Variants in GNG7 observed in about 807,000 individuals in gnomAD.
The protein encoded by GNG7 is guanine nucleotide-binding protein G(I)/G(S)/G(O) subunit gamma-7.
GNG7 carries 1 observed loss-of-function variant against 4.0 expected under a neutral mutation model. The ratio of observed to expected loss-of-function variants is 0.25; its 90% CI spans 0.09 to 1.18. The LOEUF (loss-of-function observed/expected upper bound fraction) is 1.18, where lower values mean the gene tolerates loss of function less well. GNG7 is among the 50% of genes most tolerant of loss of function. The probability of loss-of-function intolerance (pLI) is 0.50; values close to 1 mark genes in which losing one functional copy is unlikely to be tolerated. For synonymous variants in GNG7, 34 were observed against 36.9 expected (o/e 0.92, Z 0.29); for missense variants, 86 against 91.9 (o/e 0.94, Z 0.26).
intron 3 of GNG7, among the ~76,000 whole-genome samples, chr19:2,537,185 G>A (rs1022232547): frequency 3.3e-5 from 5 of 151,812 alleles, no homozygotes; most frequent in South Asian, 4.1e-4. Context: ...TCCTGACCTC[G>A]TGATCCGCCC....
At position 2,699,589 on chromosome 19, in the gene GNG7, G is replaced by A. The variant is rs142545955; in HGVS notation, c.-135+3057C>T. On this transcript the variant is annotated intron_variant, in intron 1 of 4. Transcript: ENST00000382159. ...TGCACATCAAAGGGGAGATGAGGTC[G>A]TTAAAGGAGAAAATAAATCAGTTTT... Among the ~76,000 whole-genome samples the A allele has an allele frequency of 4.6e-3, 706 of 152,276 alleles. 8 individuals are homozygous for A. Among genetic ancestry groups the A allele is most frequent in the African/African-American group, 0.016 (682 of 41,540 alleles).
chr19:2,593,114 C>T (rs1980901183), intron 2 of GNG7, among the ~76,000 whole-genome samples: 1 of 152,028 alleles, frequency 6.6e-6, no homozygotes. Flanking sequence ...TAACCAACAG[C>T]TGAGGTCACA....
chr19:2,538,743 A>G, intron 3 of GNG7: 1 of 453,462 alleles, frequency 2.2e-6, no homozygotes, highest in South Asian at 1.6e-5. Context: ...TGATGGCTTC[A>G]GACTTCCTAG....
At chr19:2,587,562 G>GGCGGCCACCTTGTA (rs1288338523) in intron 2 of GNG7, among the ~76,000 whole-genome samples, 5 of 152,092 alleles carry the variant, frequency 3.3e-5, no homozygotes, top group Non-Finnish European at 5.9e-5. Context: ...TCGGTACGCA[G>GGCGGCCACCTTGTA]GCGGCCACCT....
intron 1 of GNG7, among the ~76,000 whole-genome samples, chr19:2,656,029 C>CAAAAAAAAAAA (rs55687607): frequency 4.1e-5 from 4 of 98,086 alleles, no homozygotes; most frequent in African/African-American, 1.1e-4. Context: ...CGATTCAAAA[C>CAAAAAAAAAAA]AAAAAAAAAA....
intron 2 of GNG7, among the ~76,000 whole-genome samples, chr19:2,583,391 C>T (rs1217101485): frequency 6.6e-6 from 1 of 152,208 alleles, no homozygotes; most frequent in Non-Finnish European, 1.5e-5. Context: ...GGAACCCGGG[C>T]TGGCTCAGCA....
chr19:2,633,481 GCGCGCGCACACACACACACA>G lies in GNG7; in HGVS notation c.-78+12723_-78+12742del, dbSNP rs1161077841. Among the ~76,000 whole-genome samples, 1 of 80,356 alleles carries G rather than the reference GCGCGCGCACACACACACACA, an allele frequency of 1.2e-5. No individual in the cohort carries two copies. The highest frequency in any genetic ancestry group is 4.0e-5 in the African/African-American group (1 of 25,296). The allele number at this position is 80,356 out of a possible 152,430, so 52.7% of individuals were successfully genotyped here. A position where few individuals can be genotyped will look rare whatever the true frequency, so the allele number is the denominator to read the frequency against. ...GTTGCTTAGCAACAGGCGCGCGCGC[GCGCGCGCACACACACACACA>G]CACACACACACACACACACACACGA... is the stretch of plus-strand genomic sequence containing the variant. On this transcript the variant is annotated intron_variant, in intron 2 of 4. Coordinates refer to ENST00000382159, the MANE Select transcript of GNG7 (RefSeq NM_052847.3). The surrounding 1 kb of genome is among the most constrained non-coding windows in gnomAD (Gnocchi z 5.9).
intron 2 of GNG7, among the ~76,000 whole-genome samples, chr19:2,561,859 T>G (rs1238518373): frequency 6.6e-6 from 1 of 151,860 alleles, no homozygotes; most frequent in Non-Finnish European, 1.5e-5. Flanking sequence ...CCAGCCTGGG[T>G]GACAAGAGCA....
intron 2 of GNG7, among the ~76,000 whole-genome samples, chr19:2,602,397 C>T (rs1041756783): frequency 2.6e-5 from 4 of 152,208 alleles, no homozygotes; most frequent in African/African-American, 9.7e-5. Context: ...CTCTGCAGGC[C>T]CTGGCTCCCC....
At chr19:2,627,863 T>A (rs1982059650) in intron 2 of GNG7, among the ~76,000 whole-genome samples, 2 of 152,180 alleles carry the variant, frequency 1.3e-5, no homozygotes. Flanking sequence ...GGAGGTCAGG[T>A]GAGGATCGGT....
At position 2,618,153 on chromosome 19, in the gene GNG7, A is replaced by G. The variant is rs768159883; in HGVS notation, c.-78+28071T>C. Among the ~76,000 whole-genome samples the G allele has an allele frequency of 3.7e-4, 57 of 152,242 alleles. No individual in the cohort carries two copies. Among genetic ancestry groups the G allele is most frequent in the Non-Finnish European group, 5.0e-4 (34 of 68,022 alleles). ...AGCACCTAGGCTGTCCCTGGCACACAGTGAGTGTCGGGTCAATATTTGCGA... is the reference window on the plus strand; with the variant it reads ...AGCACCTAGGCTGTCCCTGGCACACGGTGAGTGTCGGGTCAATATTTGCGA... On this transcript the variant is annotated intron_variant, in intron 2 of 4. Transcript: ENST00000382159. This position sits in a 1 kb window ranked among gnomAD's most constrained non-coding sequence, Gnocchi z 5.1.
intron 1 of GNG7, among the ~76,000 whole-genome samples, chr19:2,657,357 AAAAAATATATAT>A (rs1317966371): frequency 6.2e-5 from 1 of 16,166 alleles, no homozygotes; most frequent in African/African-American, 1.6e-4. Context: ...AAAAAAAAAA[AAAAAATATATAT>A]ATATATATAT....
intron 1 of GNG7, among the ~76,000 whole-genome samples, chr19:2,676,706 G>A (rs1029231329): frequency 6.6e-6 from 1 of 152,144 alleles, no homozygotes; most frequent in East Asian, 1.9e-4. Context: ...GTGAGGCATC[G>A]CGCCCAGCCT....
intron 3 of GNG7, among the ~76,000 whole-genome samples, chr19:2,553,200 C>T (rs1979392465): frequency 6.7e-6 from 1 of 148,868 alleles, no homozygotes; most frequent in Admixed American, 6.7e-5. Context: ...TTACTACCAA[C>T]TGTATGGAAA....
intron 2 of GNG7, among the ~76,000 whole-genome samples, chr19:2,615,209 T>C (rs1981686964): frequency 6.6e-6 from 1 of 151,800 alleles, no homozygotes; most frequent in Non-Finnish European, 1.5e-5. Context: ...TCGCCCAGGC[T>C]GGAGTGCAGT....
intron 4 of GNG7, 120 bp from the exon 5 acceptor site, chr19:2,515,267 G>C (rs1237591992): frequency 8.7e-6 from 11 of 1,258,410 alleles, no homozygotes; most frequent in Non-Finnish European, 1.2e-5. Flanking sequence ...CCATTGATGG[G>C]GGCGTGGGCA....
chr19:2,641,674 C>CT (rs71337162), intron 2 of GNG7, among the ~76,000 whole-genome samples: 1 of 150,978 alleles, frequency 6.6e-6, no homozygotes, highest in Non-Finnish European at 1.5e-5. Flanking sequence ...TTTATTTTTT[C>CT]TTTTTTTGAG....
At position 2,633,479 on chromosome 19, in the gene GNG7, GCGCGCGCGCACACACACACA is replaced by G. The variant is rs1444540672; in HGVS notation, c.-78+12725_-78+12744del. ...CGGTTGCTTAGCAACAGGCGCGCGC[GCGCGCGCGCACACACACACA>G]CACACACACACACACACACACACAC... On this transcript the variant is annotated intron_variant, in intron 2 of 4. Coordinates refer to ENST00000382159, the MANE Select transcript of GNG7 (RefSeq NM_052847.3). This position sits in a 1 kb window ranked among gnomAD's most constrained non-coding sequence, Gnocchi z 5.9. 1.4e-5 allele frequency among the ~76,000 whole-genome samples: 1 copy of G among 73,274 alleles called. No homozygotes were observed. Among genetic ancestry groups the G allele is most frequent in the African/African-American group, 5.3e-5 (1 of 18,930 alleles). The allele number at this position is 73,274 out of a possible 152,430, so 48.1% of individuals were successfully genotyped here. A position where few individuals can be genotyped will look rare whatever the true frequency, so the allele number is the denominator to read the frequency against.
intron 2 of GNG7, among the ~76,000 whole-genome samples, chr19:2,589,263 C>T (rs944255128): frequency 6.6e-6 from 1 of 151,692 alleles, no homozygotes; most frequent in Non-Finnish European, 1.5e-5. Flanking sequence ...CCCTCCGTGG[C>T]CCAGGCTGGA....
Sources: allele counts gnomAD v4.1 joint callset (sites outside exome capture counted in the v4.1 genomes callset), GRCh38; gene constraint gnomAD v4.1.1; non-coding constraint Gnocchi (gnomAD v3.1); transcripts MANE v1.5; gene names NCBI Gene and HGNC (gene_info 2026-07-23, HGNC 2026-07-21).